Variants in NAPEPLD observed in about 807,000 individuals in gnomAD.
The protein encoded by NAPEPLD is N-acyl phosphatidylethanolamine phospholipase D.
NAPEPLD carries 23 observed loss-of-function variants against 38.1 expected under a neutral mutation model. The observed-to-expected ratio is 0.60, with a 90% CI of 0.43 to 0.86. The LOEUF (loss-of-function observed/expected upper bound fraction) is 0.86. Among genes scored for constraint, NAPEPLD ranks in the 40% least tolerant of loss-of-function variants. The pLI is 0.00. For missense variants in NAPEPLD, 411 were observed against 476.8 expected (o/e 0.86, Z 1.28); for synonymous variants, 147 against 162.0 (o/e 0.91, Z 0.71).
intron 4 of NAPEPLD, among the ~76,000 whole-genome samples, chr7:103,109,829 A>G (rs1804158771): frequency 6.6e-6 from 1 of 152,152 alleles, no homozygotes. Flanking sequence ...TAGCCAGACT[A>G]ATAAAGAACA....
At chr7:103,131,864 A>T (rs544668906) in intron 1 of NAPEPLD, among the ~76,000 whole-genome samples, 66 of 152,242 alleles carry the variant, frequency 4.3e-4, no homozygotes, top group Non-Finnish European at 4.4e-4. Context: ...GCATGTAATC[A>T]CAGCCATTTG....
In NAPEPLD at chr7:103,128,619, T is replaced by C. The variant is rs752921659; in HGVS notation, c.158A>G (p.Asp53Gly). Residue 53 changes from aspartate to glycine, a missense_variant, in exon 2 of 5, where the codon GAT (aspartate) becomes GGT (glycine). Coordinates refer to ENST00000465647, the MANE Select transcript of NAPEPLD (RefSeq NM_001122838.3). ...TTTTCCTTTCTTGGATTTAGTTACATCTTCTTCTAGTCTATAATCCAGTTT... is the reference window on the plus strand; with the variant it reads ...TTTTCCTTTCTTGGATTTAGTTACACCTTCTTCTAGTCTATAATCCAGTTT... The part of the protein sequence containing the change: ...SFKLDYRLEE[D>G]VTKSKKGKDG... The C allele has an allele frequency of 1.6e-5, 26 of 1,614,190 alleles. No individual in the cohort carries two copies. The highest frequency in any genetic ancestry group is 2.2e-5 in the Non-Finnish European group (26 of 1,180,040).
At chr7:103,136,495 G>C (rs1386791571) in intron 1 of NAPEPLD, among the ~76,000 whole-genome samples, 3 of 151,126 alleles carry the variant, frequency 2.0e-5, no homozygotes, top group Non-Finnish European at 2.9e-5. Context: ...GCTGAGGCAG[G>C]AGAATCACTT....
intron 1 of NAPEPLD, among the ~76,000 whole-genome samples, chr7:103,137,854 AAAG>A (rs1462782456): frequency 5.3e-5 from 8 of 151,624 alleles, no homozygotes; most frequent in African/African-American, 1.9e-4. Context: ...AAAAAGAAAG[AAAG>A]AAGAAAAGAA....
At chr7:103,149,923 A>C (rs1813361798), upstream of NAPEPLD, among the ~76,000 whole-genome samples, 1 of 152,302 alleles carries the variant, frequency 6.6e-6, no homozygotes, top group African/African-American at 2.4e-5. Flanking sequence ...CTAATTTGAA[A>C]TGTTGTACAG....
chr7:103,112,152 G>T (rs1199010148), intron 4 of NAPEPLD, among the ~76,000 whole-genome samples: 1 of 152,182 alleles, frequency 6.6e-6, no homozygotes, highest in Non-Finnish European at 1.5e-5. Context: ...TACACTGTTG[G>T]TGGGAGTGTA....
Position 103,128,533 on chromosome 7 carries a change from T to C in NAPEPLD, c.244A>G (p.Arg82Gly). The C allele has an allele frequency of 6.2e-7, 1 of 1,614,244 alleles. No homozygotes were observed. Among genetic ancestry groups the C allele is most frequent in the Non-Finnish European group, 8.5e-7 (1 of 1,180,038 alleles). ...TGATCTTTCTCCATTATCAGCCATC[T>C]GAGAACATTTGGAATAGAGGGGTTT... ...WKNPSIPNVL[R>G]WLIMEKDHSS... The change falls in exon 2 of 5, where the codon AGA becomes GGA. Residue 82 changes from arginine to glycine, a missense_variant. Coordinates refer to ENST00000465647, the MANE Select transcript of NAPEPLD (RefSeq NM_001122838.3).
At chr7:103,144,468 T>G (rs1012704590) in intron 1 of NAPEPLD, among the ~76,000 whole-genome samples, 2 of 152,166 alleles carry the variant, frequency 1.3e-5, no homozygotes, top group Non-Finnish European at 2.9e-5. Context: ...TACAGTTACA[T>G]TGAAAAGAAC....
In NAPEPLD at chr7:103,148,895, G is replaced by C. The variant is rs963185447; in HGVS notation, c.-101C>G. 2.0e-6 allele frequency: 2 copies of C among 984,958 alleles called. No homozygotes were observed. Among genetic ancestry groups the C allele is most frequent in the Non-Finnish European group, 1.2e-6 (1 of 829,830 alleles). The allele number at this position is 984,958 out of a possible 1,614,324, so 61.0% of individuals were successfully genotyped here. A position where few individuals can be genotyped will look rare whatever the true frequency, so the allele number is the denominator to read the frequency against. On this transcript the variant is annotated 5_prime_UTR_variant, in exon 1 of 5. Coordinates refer to ENST00000465647, the MANE Select transcript of NAPEPLD (RefSeq NM_001122838.3). ...TCCCAGACAGCTACTCTCCCAAAGA[G>C]AAAAAAAATAATGCTGTGGCTCTTC...
At chr7:103,140,562 T>G (rs1006170139) in intron 1 of NAPEPLD, among the ~76,000 whole-genome samples, 1 of 151,790 alleles carries the variant, frequency 6.6e-6, no homozygotes, top group Non-Finnish European at 1.5e-5. Flanking sequence ...CCGGCTAATT[T>G]TTTTGTATTT....
intron 4 of NAPEPLD, among the ~76,000 whole-genome samples, chr7:103,109,806 G>T (rs1047644940): frequency 9.3e-5 from 14 of 150,964 alleles, no homozygotes; most frequent in Non-Finnish European, 1.6e-4. Flanking sequence ...ATGAATCCAG[G>T]AGCTGGATTC....
chr7:103,117,232 T>C (rs1805758667), intron 3 of NAPEPLD, among the ~76,000 whole-genome samples: 2 of 152,346 alleles, frequency 1.3e-5, no homozygotes, highest in East Asian at 1.9e-4. Context: ...TGTTAGGAGT[T>C]GCTGGGTCCT....
rs566660482 is a variant in NAPEPLD, at chr7:103,106,256, G to A, written c.1057-2702C>T. Among the ~76,000 whole-genome samples the A allele has an allele frequency of 3.3e-5, 5 of 152,298 alleles. No individual in the cohort carries two copies. In the South Asian group the frequency reaches 1.0e-3, roughly 32 times the overall value. On this transcript the variant is annotated intron_variant, in intron 4 of 4. Coordinates refer to ENST00000465647, the MANE Select transcript of NAPEPLD (RefSeq NM_001122838.3). ...AATAGTGTTCGTAACAGGCAGACCA[G>A]GAGATTACCTCCGGTGCCTGCCCCA...
rs1448033984 is a variant in NAPEPLD at position 103,121,107 on chromosome 7, C to A, written c.295-884G>T. ...ATAAATTGTTTTCCTCATTCCTTAC[C>A]TTTCTGATTTTCTACCATTAATCAA... On this transcript the variant is annotated intron_variant, in intron 2 of 4. Coordinates refer to ENST00000465647, the MANE Select transcript of NAPEPLD (RefSeq NM_001122838.3). Among the ~76,000 whole-genome samples, 3 of 152,064 alleles carry A rather than the reference C, an allele frequency of 2.0e-5. No homozygotes were observed. The East Asian group carries it at 5.8e-4, about 29-fold the overall frequency.
Position 103,119,805 on chromosome 7 carries a change from A to G in NAPEPLD, c.713T>C (p.Val238Ala). The G allele has an allele frequency of 6.8e-6, 11 of 1,614,110 alleles. No individual in the cohort carries two copies. Among genetic ancestry groups the G allele is most frequent in the Non-Finnish European group, 9.3e-6 (11 of 1,180,026 alleles). Residue 238 changes from valine (V) to alanine (A), a missense_variant, in exon 3 of 5, where the codon GTC becomes GCC. By Grantham distance (64) the Val-to-Ala change is moderately conservative. Coordinates refer to ENST00000465647, the MANE Select transcript of NAPEPLD (RefSeq NM_001122838.3). ...AAAAGTGACCTTATCATGTCCGGGG[A>G]CACAATTCTCCTCCCACCAGTCCAA... ...IELDWWEENC[V>A]PGHDKVTFVF...
chr7:103,131,663 G>GA (rs757366929), intron 1 of NAPEPLD, among the ~76,000 whole-genome samples: 3,986 of 137,458 alleles, frequency 0.029, 180 homozygotes, highest in African/African-American at 0.095. Flanking sequence ...GTCTCAAGGG[G>GA]AAAAAAAAAA....
chr7:103,130,866 C>G (rs979525345), intron 1 of NAPEPLD, among the ~76,000 whole-genome samples: 3 of 152,098 alleles, frequency 2.0e-5, no homozygotes, highest in Non-Finnish European at 4.4e-5. Flanking sequence ...TCACAAAGTG[C>G]TAGGATTATA....
In NAPEPLD at chr7:103,140,486, G is replaced by A. The variant is rs549755237; in HGVS notation, c.-17+8325C>T. Among the ~76,000 whole-genome samples the A allele has an allele frequency of 4.4e-5, 6 of 137,144 alleles. No homozygotes were observed. In the South Asian group the frequency reaches 9.8e-4, roughly 22 times the overall value. The allele number at this position is 137,144 out of a possible 152,430, so 90.0% of individuals were successfully genotyped here. Reference sequence around the variant, plus strand: ...CGGCTCACTGCAAGCTCCGCCTCCCGGGTTCACGTCATTCTCCTGCCTCAG... The same window carrying A: ...CGGCTCACTGCAAGCTCCGCCTCCCAGGTTCACGTCATTCTCCTGCCTCAG... On this transcript the variant is annotated intron_variant, in intron 1 of 4. Transcript: ENST00000465647.
chr7:103,136,337 C>T (rs1225584732), intron 1 of NAPEPLD, among the ~76,000 whole-genome samples: 2 of 150,080 alleles, frequency 1.3e-5, no homozygotes, highest in African/African-American at 2.5e-5. Context: ...TTTGGAAGGA[C>T]GAGGTGGGCA....
Sources: gnomAD v4.1 joint callset for allele counts (sites outside exome capture counted in the v4.1 genomes callset) on GRCh38, gnomAD v4.1.1 for gene constraint, MANE v1.5 for transcripts, NCBI Gene and HGNC (gene_info 2026-07-23, HGNC 2026-07-21) for gene names.